Variants in NRAP observed in about 807,000 individuals in gnomAD.
NRAP encodes nebulin-related-anchoring protein.
In NRAP, 189 loss-of-function variants were observed where a neutral mutation model predicts 225.9. The observed-to-expected ratio is 0.84, with a 90% CI of 0.74 to 0.94. The LOEUF is 0.94. NRAP is among the 40% of genes least tolerant of loss of function. The pLI, the probability that NRAP is intolerant of heterozygous loss-of-function variation, is 0.00. For synonymous variants in NRAP, 769 were observed against 790.7 expected (o/e 0.97, Z 0.46); for missense variants, 2,176 against 2,168.7 (o/e 1.00, Z -0.07).
intron 13 of NRAP, among the ~76,000 whole-genome samples, chr10:113,640,544 C>T (rs1033272717): frequency 6.6e-6 from 1 of 152,124 alleles, no homozygotes; most frequent in Non-Finnish European, 1.5e-5. Context: ...ATCTGTAGCA[C>T]ATTTACTTTA....
intron 30 of NRAP, among the ~76,000 whole-genome samples, chr10:113,610,976 G>A (rs1366154511): frequency 6.6e-6 from 1 of 152,202 alleles, no homozygotes; most frequent in African/African-American, 2.4e-5. Flanking sequence ...AATTAATCAT[G>A]GGTTAAGAAA....
intron 30 of NRAP, among the ~76,000 whole-genome samples, chr10:113,611,161 A>T (rs1210501543): frequency 6.6e-6 from 1 of 152,072 alleles, no homozygotes; most frequent in African/African-American, 2.4e-5. Context: ...CGCTATCACA[A>T]CCAGAGGCAG....
At chr10:113,625,401 A>G (rs1417158870) in intron 21 of NRAP, among the ~76,000 whole-genome samples, 1 of 152,172 alleles carries the variant, frequency 6.6e-6, no homozygotes, top group Non-Finnish European at 1.5e-5. Flanking sequence ...CATCTCCTCC[A>G]TGGCAAACTT....
intron 12 of NRAP, 98 bp downstream of exon 12, chr10:113,642,836 G>A: frequency 1.4e-6 from 1 of 691,476 alleles, no homozygotes; most frequent in Non-Finnish European, 2.6e-6. Flanking sequence ...GCTTCTCCAA[G>A]ACACATAGAT....
chr10:113,646,072 A>G lies in NRAP; in HGVS notation c.994-131T>C. On this transcript the variant is annotated intron_variant, in intron 10 of 41. Transcript: ENST00000359988. ...AATTTTCTGAAAGAAAAAAAAATTC[A>G]CATGGCCTTTTCTCTTCATTAAATC... 5 of 559,842 alleles carry G rather than the reference A, an allele frequency of 8.9e-6. No individual in the cohort carries two copies. In the South Asian group the frequency reaches 1.1e-4, roughly 12 times the overall value. The allele number at this position is 559,842 out of a possible 1,614,324, so 34.7% of individuals were successfully genotyped here.
intron 23 of NRAP, among the ~76,000 whole-genome samples, chr10:113,622,826 T>C (rs1001470417): frequency 2.0e-5 from 3 of 152,118 alleles, no homozygotes; most frequent in African/African-American, 7.3e-5. Context: ...ATTTGTAAAA[T>C]GTTACCAACT....
At chr10:113,595,010 G>T (rs977459544) in intron 38 of NRAP, among the ~76,000 whole-genome samples, 1 of 152,216 alleles carries the variant, frequency 6.6e-6, no homozygotes, top group Non-Finnish European at 1.5e-5. Context: ...TGGCCGAGCG[G>T]CCGCCTATTC....
chr10:113,644,084 TTGCGG>T (rs1165734611), intron 11 of NRAP, among the ~76,000 whole-genome samples: 8 of 128,324 alleles, frequency 6.2e-5, no homozygotes, highest in African/African-American at 2.4e-4. Context: ...GAGGTGGAGG[TTGCGG>T]TGAGCTGAGA....
At chr10:113,626,976 C>A (rs991740850) in intron 20 of NRAP, among the ~76,000 whole-genome samples, 1 of 152,166 alleles carries the variant, frequency 6.6e-6, no homozygotes, top group Admixed American at 6.5e-5. Flanking sequence ...CCACTGAAAA[C>A]GGCGTGTGGA....
Position 113,663,334 on chromosome 10 carries a change from G to C in NRAP, c.167+18C>G. 1 of 1,424,910 alleles carries C rather than the reference G, an allele frequency of 7.0e-7. No homozygotes were observed. The highest frequency in any genetic ancestry group is 9.9e-7 in the Non-Finnish European group (1 of 1,007,862). 88.3% of individuals were successfully genotyped at this position (1,424,910 alleles called of 1,614,324 possible). A position where few individuals can be genotyped will look rare whatever the true frequency, so the allele number is the denominator to read the frequency against. On this transcript the variant is annotated intron_variant, in intron 2 of 41. Transcript: ENST00000359988. ...AAATAAAACTCAAGAGGTAGTGGTGGGGGCATCAAACACTTACGCGTGACA... is the reference window on the plus strand; with the variant it reads ...AAATAAAACTCAAGAGGTAGTGGTGCGGGCATCAAACACTTACGCGTGACA...
chr10:113,640,835 G>GA (rs1849161076), intron 13 of NRAP, among the ~76,000 whole-genome samples: 1 of 152,142 alleles, frequency 6.6e-6, no homozygotes, highest in African/African-American at 2.4e-5. Context: ...CTGGATTGAC[G>GA]AAGCTAAAGA....
At chr10:113,647,267 A>G (rs1003439624) in intron 9 of NRAP, among the ~76,000 whole-genome samples, 1 of 152,130 alleles carries the variant, frequency 6.6e-6, no homozygotes, top group East Asian at 1.9e-4. Context: ...CATGATCATC[A>G]TCCTTATTTC....
rs1173799995 is a variant in NRAP at position 113,634,205 on chromosome 10, A to T, written c.1434T>A (p.Asn478Lys). Residue 478 changes from asparagine to lysine, a missense_variant, in exon 15 of 42, where the codon AAT (asparagine) becomes AAA (lysine). Physicochemically the swap from Asn to Lys is moderately conservative, Grantham distance 94 (BLOSUM62 0). Transcript: ENST00000359988. ...AMKLVPLKDANYRQSIDKLKY... is the reference protein window; with the variant it reads ...AMKLVPLKDAKYRQSIDKLKY... ...TCAACTTGTCGATGCTCTGCCTATAATTGGCCTAGGTAAAAACAGGCACAA... is the reference window on the plus strand; with the variant it reads ...TCAACTTGTCGATGCTCTGCCTATATTTGGCCTAGGTAAAAACAGGCACAA... 2 of 1,609,886 alleles carry T rather than the reference A, an allele frequency of 1.2e-6. No homozygotes were observed. Among genetic ancestry groups the T allele is most frequent in the Non-Finnish European group, 1.7e-6 (2 of 1,176,300 alleles).
At chr10:113,594,080 G>A (rs1267159977) in intron 38 of NRAP, among the ~76,000 whole-genome samples, 2 of 152,158 alleles carry the variant, frequency 1.3e-5, no homozygotes, top group African/African-American at 2.4e-5. Flanking sequence ...TTTAGATTCC[G>A]TAGGCGCTTT....
chr10:113,644,891 G>C (rs755163166), intron 11 of NRAP, among the ~76,000 whole-genome samples: 11 of 152,322 alleles, frequency 7.2e-5, no homozygotes, highest in Middle Eastern at 3.4e-3. Flanking sequence ...AGGCTGCCAA[G>C]TCAAATGCCT....
intron 41 of NRAP, chr10:113,589,384 A>G: frequency 1.7e-6 from 1 of 572,586 alleles, no homozygotes; most frequent in Non-Finnish European, 3.1e-6. Context: ...CAGTCAGCAC[A>G]GCCTGGGCTG....
chr10:113,640,305 A>G lies in NRAP; in HGVS notation c.1350T>C (p.His450=), dbSNP rs777240829. ...SNVAYKADYK[H]DIVDYNYPAT... ...CTGGGTAGTTGTAGTCGACAATATCATGTTTATAATCAGCTTTGTAGGCAA... is the reference window on the plus strand; with the variant it reads ...CTGGGTAGTTGTAGTCGACAATATCGTGTTTATAATCAGCTTTGTAGGCAA... The change falls in exon 14 of 42, where the codon CAT becomes CAC. Residue 450 remains histidine (H), a synonymous_variant. Coordinates refer to ENST00000359988, the MANE Select transcript of NRAP (RefSeq NM_198060.4). 10 of 1,598,610 alleles carry G rather than the reference A, an allele frequency of 6.3e-6. No individual in the cohort carries two copies. In the African/African-American group the frequency reaches 9.5e-5, roughly 15 times the overall value.
Position 113,634,225 on chromosome 10 carries a change from G to C in NRAP, c.1429-15C>G. Reference sequence around the variant, plus strand: ...CTATAATTGGCCTAGGTAAAAACAGGCACAAAAAGATGTCATTTGCTCTTT... The same window carrying C: ...CTATAATTGGCCTAGGTAAAAACAGCCACAAAAAGATGTCATTTGCTCTTT... On this transcript the variant is annotated splice_polypyrimidine_tract_variant and intron_variant, in intron 14 of 41. Coordinates refer to ENST00000359988, the MANE Select transcript of NRAP (RefSeq NM_198060.4). 6.4e-7 allele frequency: 1 copy of C among 1,551,680 alleles called. No individual in the cohort carries two copies. The highest frequency in any genetic ancestry group is 8.9e-7 in the Non-Finnish European group (1 of 1,123,474).
intron 35 of NRAP, among the ~76,000 whole-genome samples, chr10:113,599,330 G>C (rs1423544783): frequency 6.6e-6 from 1 of 152,160 alleles, no homozygotes; most frequent in Admixed American, 6.5e-5. Flanking sequence ...TCAGGAGCAG[G>C]TTTCAAAACC....
Sources: allele counts gnomAD v4.1 joint callset (sites outside exome capture counted in the v4.1 genomes callset), GRCh38; gene constraint gnomAD v4.1.1; transcripts MANE v1.5; gene names NCBI Gene and HGNC (gene_info 2026-07-23, HGNC 2026-07-21).